SULT1C3: variants seen among roughly 807,000 people sequenced by gnomAD.
SULT1C3 encodes the protein sulfotransferase 1C3.
SULT1C3 carries 31 observed loss-of-function variants against 28.4 expected under a neutral mutation model. The ratio of observed to expected loss-of-function variants is 1.09; its 90% CI spans 0.82 to 1.47. The LOEUF (loss-of-function observed/expected upper bound fraction) is 1.47, where lower values mean the gene tolerates loss of function less well. Among genes scored for constraint, SULT1C3 ranks in the 40% most tolerant of loss-of-function variants. SULT1C3 has a pLI of 0.00. For missense variants in SULT1C3, 307 were observed against 272.5 expected, an observed-to-expected ratio of 1.13 and a Z score of -0.89; for synonymous variants, 106 against 92.2, an observed-to-expected ratio of 1.15 and a Z score of -0.86.
intron 1 of SULT1C3, among the ~76,000 whole-genome samples, chr2:108,245,747 T>G (rs757606039): frequency 6.6e-6 from 1 of 152,202 alleles, no homozygotes; most frequent in African/African-American, 2.4e-5. Flanking sequence ...TGGAGACATT[T>G]TTCTCATTGT....
At chr2:108,264,208 A>G (rs1676081690), downstream of SULT1C3, among the ~76,000 whole-genome samples, 1 of 152,180 alleles carries the variant, frequency 6.6e-6, no homozygotes, top group Non-Finnish European at 1.5e-5. Context: ...GTGCATCAGC[A>G]TCCTAGAATT....
At position 108,258,633 on chromosome 2, in the gene SULT1C3, A is replaced by G. The variant is rs535596674; in HGVS notation, c.527-101A>G. ...ATTTCCACTTCGTTAAGGAACCAGA[A>G]CGATAGTTACAGAAGCTTATTTCAA... On this transcript the variant is annotated intron_variant, in intron 5 of 7. Transcript: ENST00000681802. 14 of 846,664 alleles carry G rather than the reference A, an allele frequency of 1.7e-5. No homozygotes were observed. In the South Asian group the frequency reaches 2.8e-4, roughly 17 times the overall value. The allele number at this position is 846,664 out of a possible 1,614,324, so 52.4% of individuals were successfully genotyped here. A position where few individuals can be genotyped will look rare whatever the true frequency, so the allele number is the denominator to read the frequency against.
intron 1 of SULT1C3, among the ~76,000 whole-genome samples, chr2:108,244,467 G>A (rs1337238623): frequency 6.6e-6 from 1 of 152,178 alleles, no homozygotes; most frequent in Non-Finnish European, 1.5e-5. Flanking sequence ...TATTGGGAAT[G>A]GTGTTTTGCC....
At chr2:108,260,506 C>A in intron 7 of SULT1C3, 62 bp from the exon 8 acceptor site, 1 of 449,894 alleles carries the variant, frequency 2.2e-6, no homozygotes, top group Non-Finnish European at 4.5e-6. Context: ...GAACCATTCA[C>A]TATAGAAAGG....
At chr2:108,249,087 C>A (rs1487475641) in intron 2 of SULT1C3, among the ~76,000 whole-genome samples, 6 of 152,086 alleles carry the variant, frequency 3.9e-5, no homozygotes, top group Admixed American at 3.9e-4. Context: ...GCAAAACACC[C>A]TGAAGTCCCA....
At chr2:108,262,263 G>A (rs1676041476), downstream of SULT1C3, among the ~76,000 whole-genome samples, 1 of 152,134 alleles carries the variant, frequency 6.6e-6, no homozygotes, top group Admixed American at 6.6e-5. Context: ...GAAAGCTCGG[G>A]CCCCAGGTAC....
intron 5 of SULT1C3, among the ~76,000 whole-genome samples, chr2:108,258,021 G>C (rs1462429371): frequency 6.6e-6 from 1 of 151,976 alleles, no homozygotes; most frequent in Non-Finnish European, 1.5e-5. Flanking sequence ...TTTTCCTCTG[G>C]AGAATGTTTT....
chr2:108,243,009 T>A (rs569359390), intron 1 of SULT1C3, among the ~76,000 whole-genome samples: 6 of 152,374 alleles, frequency 3.9e-5, no homozygotes, highest in African/African-American at 1.4e-4. Context: ...CCCTTTTTAC[T>A]CGACTTTAGC....
chr2:108,255,756 C>T, intron 5 of SULT1C3, 58 bp downstream of exon 5: 2 of 1,557,066 alleles, frequency 1.3e-6, no homozygotes, highest in Non-Finnish European at 1.7e-6. Flanking sequence ...CAATAAGCAC[C>T]TCTGTAAACT....
chr2:108,253,478 T>A lies in SULT1C3; in HGVS notation c.399+36T>A, dbSNP rs1558664428. ...GGGGCTTTTCAAACTTCTCTTAGCT[T>A]GGTGATATAAACTATACAACTGAAG... On this transcript the variant is annotated intron_variant, in intron 4 of 7. Coordinates refer to ENST00000681802, the MANE Select transcript of SULT1C3 (RefSeq NM_001320878.2). 4.3e-6 allele frequency: 5 copies of A among 1,164,344 alleles called. No individual in the cohort carries two copies. In the East Asian group the frequency reaches 1.3e-4, roughly 29 times the overall value. 72.1% of individuals were successfully genotyped at this position (1,164,344 alleles called of 1,614,324 possible).
downstream of SULT1C3, among the ~76,000 whole-genome samples, chr2:108,262,061 A>T (rs1676038065): frequency 6.6e-6 from 1 of 152,082 alleles, no homozygotes. Context: ...CAGCCAGATA[A>T]CCCAACCACC....
chr2:108,261,569 G>A (rs1676028522), downstream of SULT1C3, among the ~76,000 whole-genome samples: 1 of 152,112 alleles, frequency 6.6e-6, no homozygotes, highest in South Asian at 2.1e-4. Flanking sequence ...AAGGTCCTGA[G>A]GGGCCTTAGG....
At position 108,255,658 on chromosome 2, in the gene SULT1C3, G is replaced by T; in HGVS notation, c.486G>T (p.Gln162His). 1 of 1,611,322 alleles carries T rather than the reference G, an allele frequency of 6.2e-7. No homozygotes were observed. The highest frequency in any genetic ancestry group is 8.5e-7 in the Non-Finnish European group (1 of 1,178,240). Reference sequence around the variant, plus strand: ...TGGCTTCCTTTATGCCTGATCCTCAGAACTTAGAGGAATTTTATGAGAAAT... The same window carrying T: ...TGGCTTCCTTTATGCCTGATCCTCATAACTTAGAGGAATTTTATGAGAAAT... ...HRMASFMPDPQNLEEFYEKFM... is the reference protein window; with the variant it reads ...HRMASFMPDPHNLEEFYEKFM... The change falls in exon 5 of 8, where the codon CAG (glutamine) becomes CAT (histidine). Residue 162 changes from glutamine (Q) to histidine (H), a missense_variant. Gln to His is a conservative substitution (Grantham distance 24). Coordinates refer to ENST00000681802, the MANE Select transcript of SULT1C3 (RefSeq NM_001320878.2).
chr2:108,257,378 A>G (rs1573224596), intron 5 of SULT1C3, among the ~76,000 whole-genome samples: 1 of 152,068 alleles, frequency 6.6e-6, no homozygotes, highest in African/African-American at 2.4e-5. Context: ...CATAATATAC[A>G]TTATATATGT....
chr2:108,253,307 C>A, intron 3 of SULT1C3, 38 bp from the exon 4 acceptor site: 1 of 1,370,250 alleles, frequency 7.3e-7, no homozygotes, highest in Admixed American at 2.4e-5. Flanking sequence ...TGGCAGAGTG[C>A]CAAGAATAAA....
In SULT1C3 at chr2:108,244,996, G is replaced by A. The variant is rs181607830; in HGVS notation, c.-7-2192G>A. ...AATACACTCCAGGGGAGTGCATGTT[G>A]AAGATGATCTGTTACCCATCTAAAA... On this transcript the variant is annotated intron_variant, in intron 1 of 7. Coordinates refer to ENST00000681802, the MANE Select transcript of SULT1C3 (RefSeq NM_001320878.2). Among the ~76,000 whole-genome samples, 299 of 152,300 alleles carry A rather than the reference G, an allele frequency of 2.0e-3. 2 individuals carry two copies. The highest frequency in any genetic ancestry group is 6.4e-3 in the African/African-American group (268 of 41,574).
chr2:108,258,916 GTTC>G (rs768000222), intron 6 of SULT1C3, 47 bp from the exon 7 acceptor site: 31 of 1,022,266 alleles, frequency 3.0e-5, no homozygotes, highest in African/African-American at 2.4e-4. Context: ...AATTGGCCAA[GTTC>G]TTCTTCTTTC....
rs766328789 is a variant in SULT1C3, at chr2:108,260,705, C to G, written c.*25C>G. 5 of 458,066 alleles carry G rather than the reference C, an allele frequency of 1.1e-5. No homozygotes were observed. The highest frequency in any genetic ancestry group is 2.2e-5 in the Non-Finnish European group (5 of 227,652). The allele number at this position is 458,066 out of a possible 1,614,324, so 28.4% of individuals were successfully genotyped here. A position where few individuals can be genotyped will look rare whatever the true frequency, so the allele number is the denominator to read the frequency against. On this transcript the variant is annotated 3_prime_UTR_variant, in exon 8 of 8. Coordinates refer to ENST00000681802, the MANE Select transcript of SULT1C3 (RefSeq NM_001320878.2). ...AGAGGAACAACAACAAACTAGGTGA[C>G]AGAGACTATGCCAACTATTTCGCCT...
chr2:108,244,288 TC>T (rs1396427234), intron 1 of SULT1C3, among the ~76,000 whole-genome samples: 1 of 152,104 alleles, frequency 6.6e-6, no homozygotes, highest in African/African-American at 2.4e-5. Context: ...TGGGTTCCCT[TC>T]CCCCTAGCTC....
Sources: gnomAD v4.1 joint callset for allele counts (sites outside exome capture counted in the v4.1 genomes callset) on GRCh38, gnomAD v4.1.1 for gene constraint, MANE v1.5 for transcripts, NCBI Gene and HGNC (gene_info 2026-07-23, HGNC 2026-07-21) for gene names.